The following TTYH3 variants were observed in gnomAD, a reference collection of about 807,000 sequenced individuals.
TTYH3 encodes protein tweety homolog 3.
A neutral mutation model predicts 68.2 loss-of-function variants in TTYH3; 23 were observed. The ratio of observed to expected loss-of-function variants is 0.34; its 90% CI spans 0.24 to 0.48. The LOEUF is 0.48. Ranked by LOEUF, TTYH3 falls within the 20% of genes least tolerant of loss-of-function variation. The probability of loss-of-function intolerance (pLI) is 0.99; values close to 1 mark genes in which losing one functional copy is unlikely to be tolerated. For missense variants in TTYH3, 768 were observed against 727.7 expected, an observed-to-expected ratio of 1.06 and a Z score of -0.64; for synonymous variants, 360 against 332.8, an observed-to-expected ratio of 1.08 and a Z score of -0.89.
chr7:2,653,564 T>TAA (rs145525178), intron 9 of TTYH3, among the ~76,000 whole-genome samples: 1 of 152,042 alleles, frequency 6.6e-6, no homozygotes, highest in African/African-American at 2.4e-5. Flanking sequence ...TACAATATGT[T>TAA]AAAAAAATAA....
intron 1 of TTYH3, among the ~76,000 whole-genome samples, chr7:2,633,011 G>A (rs1562704340): frequency 6.6e-6 from 1 of 152,188 alleles, no homozygotes; most frequent in African/African-American, 2.4e-5. Flanking sequence ...CTGAGCCCAG[G>A]CAGACCTGGG....
intron 1 of TTYH3, among the ~76,000 whole-genome samples, chr7:2,641,329 G>T (rs1490313088): frequency 6.6e-6 from 1 of 152,070 alleles, no homozygotes; most frequent in Non-Finnish European, 1.5e-5. Context: ...GGGGAGTCTG[G>T]GCTCACGGTG....
intron 13 of TTYH3, 144 bp from the exon 14 acceptor site, chr7:2,661,524 A>G (rs550157143): frequency 2.5e-6 from 2 of 811,618 alleles, no homozygotes; most frequent in African/African-American, 1.7e-5. Context: ...GCCCCTCCCT[A>G]TAGGCTCTGT....
At chr7:2,652,592 C>T (rs984339623) in intron 8 of TTYH3, among the ~76,000 whole-genome samples, 18 of 152,178 alleles carry the variant, frequency 1.2e-4, no homozygotes, top group African/African-American at 2.7e-4. Context: ...TTGAAGAGGT[C>T]GGCCGCACCA....
chr7:2,657,374 GTGATGGTGA>G (rs1166136097), intron 11 of TTYH3, among the ~76,000 whole-genome samples: 19 of 151,096 alleles, frequency 1.3e-4, no homozygotes, highest in Admixed American at 3.3e-4. Context: ...GATGGTGGTG[GTGATGGTGA>G]TGATGGTGAT....
In TTYH3 at chr7:2,664,093, GGGA is replaced by G. The variant is rs1786561504; in HGVS notation, c.*2358_*2360del. 1 of 152,530 alleles carries G rather than the reference GGGA, an allele frequency of 6.6e-6. No individual in the cohort carries two copies. The highest frequency in any genetic ancestry group is 2.4e-5 in the African/African-American group (1 of 41,450). 9.4% of individuals were successfully genotyped at this position (152,530 alleles called of 1,614,324 possible). On this transcript the variant is annotated 3_prime_UTR_variant, in exon 14 of 14. Transcript: ENST00000258796. The stretch of plus-strand genomic sequence containing the variant: ...CAGCCCCCAGGCCCACAGCCTCGTT[GGGA>G]GGACAGGGTGGCCCTGGGGACAAGA...
intron 9 of TTYH3, among the ~76,000 whole-genome samples, chr7:2,653,347 CCCAA>C (rs1298890030): frequency 6.6e-6 from 1 of 152,100 alleles, no homozygotes; most frequent in Non-Finnish European, 1.5e-5. Context: ...AACCACCACA[CCCAA>C]CGTTTAAAAA....
rs1484666310 is a variant in TTYH3, at chr7:2,642,356, C to T, written c.124-4497C>T. ...AGGAGTTCAAGACCAGGCTGGCCAA[C>T]GTGGTGAACTCCCCGTCTCTACTAA... On this transcript the variant is annotated intron_variant, in intron 1 of 13. Transcript: ENST00000258796. 5.3e-5 allele frequency among the ~76,000 whole-genome samples: 8 copies of T among 151,936 alleles called. No individual in the cohort carries two copies. In the East Asian group the frequency reaches 5.8e-4, roughly 11 times the overall value.
At chr7:2,652,672 C>T (rs146888225) in intron 8 of TTYH3, among the ~76,000 whole-genome samples, 6 of 152,262 alleles carry the variant, frequency 3.9e-5, no homozygotes, top group African/African-American at 9.6e-5. Context: ...TCCTGAGGGC[C>T]GTGTGACTGT....
At chr7:2,658,805 G>T in intron 12 of TTYH3, 135 bp from the exon 13 acceptor site, 1 of 874,240 alleles carries the variant, frequency 1.1e-6, no homozygotes, top group Non-Finnish European at 1.9e-6. Context: ...TTGTTACTGT[G>T]CTGGGTTCGT....
At chr7:2,655,599 G>A (rs1030755520) in intron 9 of TTYH3, among the ~76,000 whole-genome samples, 7 of 152,226 alleles carry the variant, frequency 4.6e-5, no homozygotes, top group African/African-American at 7.2e-5. Flanking sequence ...GGTGGTGTCC[G>A]TGCACAGGTG....
At chr7:2,639,682 C>G (rs112617976) in intron 1 of TTYH3, among the ~76,000 whole-genome samples, 2 of 152,248 alleles carry the variant, frequency 1.3e-5, no homozygotes, top group African/African-American at 4.8e-5. Context: ...TCTGTCCCCA[C>G]TGCAGTCAGG....
chr7:2,646,249 AGGT>A (rs1785977749), intron 1 of TTYH3, among the ~76,000 whole-genome samples: 1 of 152,146 alleles, frequency 6.6e-6, no homozygotes, highest in Non-Finnish European at 1.5e-5. Context: ...TCCTGACCTC[AGGT>A]GATCCGCCCG....
In TTYH3 at chr7:2,645,573, C is replaced by T. The variant is rs1785957313; in HGVS notation, c.124-1280C>T. 6 of 334,776 alleles carry T rather than the reference C, an allele frequency of 1.8e-5. No homozygotes were observed. The highest frequency in any genetic ancestry group is 4.3e-5 in the African/African-American group (2 of 46,320). 20.7% of individuals were successfully genotyped at this position (334,776 alleles called of 1,614,324 possible). Reference sequence around the variant, plus strand: ...CCTGGGGAGAGCCACACTGGAAGGCCGTGCTTGGAGCCAGACAGGGCTGTG... The same window carrying T: ...CCTGGGGAGAGCCACACTGGAAGGCTGTGCTTGGAGCCAGACAGGGCTGTG... On this transcript the variant is annotated intron_variant, in intron 1 of 13. Transcript: ENST00000258796. The surrounding 1 kb of genome is among the most constrained non-coding windows in gnomAD (Gnocchi z 4.8).
At chr7:2,652,598 C>T (rs1305065613) in intron 8 of TTYH3, among the ~76,000 whole-genome samples, 5 of 152,194 alleles carry the variant, frequency 3.3e-5, no homozygotes, top group Admixed American at 6.5e-5. Flanking sequence ...AGGTCGGCCG[C>T]ACCAGCTGGT....
At chr7:2,659,862 T>C in intron 13 of TTYH3, 2 of 1,263,140 alleles carry the variant, frequency 1.6e-6, no homozygotes, top group South Asian at 2.7e-5. Context: ...AGCCCACTCC[T>C]GGCCCCACAC....
At chr7:2,637,795 C>T (rs1289704039) in intron 1 of TTYH3, among the ~76,000 whole-genome samples, 1 of 152,100 alleles carries the variant, frequency 6.6e-6, no homozygotes, top group East Asian at 1.9e-4. Context: ...CCCACCCAGG[C>T]CCTGTGCTGG....
chr7:2,646,860 T>G lies in TTYH3; in HGVS notation c.131T>G (p.Leu44Arg). 6.3e-7 allele frequency: 1 copy of G among 1,595,450 alleles called. No individual in the cohort carries two copies. The highest frequency in any genetic ancestry group is 8.5e-7 in the Non-Finnish European group (1 of 1,178,340). Residue 44 changes from leucine to arginine, a missense_variant, in exon 2 of 14, where the codon CTG (leucine) becomes CGG (arginine). Physicochemically the swap from Leu to Arg is moderately radical, Grantham distance 102 (BLOSUM62 -2). Coordinates refer to ENST00000258796, the MANE Select transcript of TTYH3 (RefSeq NM_025250.3). ...CTTCCTGCCTGCCCTCAGGCCCTGC[T>G]GCTCCTGGGGGCCGCCGCCCTGGCC... is the stretch of plus-strand genomic sequence containing the variant. ...PEDTDYQQALLLLGAAALACL... is the reference protein window; with the variant it reads ...PEDTDYQQALRLLGAAALACL...
intron 9 of TTYH3, among the ~76,000 whole-genome samples, chr7:2,654,156 G>T (rs1786269140): frequency 6.6e-6 from 1 of 152,118 alleles, no homozygotes; most frequent in Non-Finnish European, 1.5e-5. Flanking sequence ...GCACTCTGGG[G>T]GGCTGAGGCA....
Sources: allele counts gnomAD v4.1 joint callset (sites outside exome capture counted in the v4.1 genomes callset), GRCh38; gene constraint gnomAD v4.1.1; non-coding constraint Gnocchi (gnomAD v3.1); transcripts MANE v1.5; gene names NCBI Gene and HGNC (gene_info 2026-07-23, HGNC 2026-07-21).